ATP8A2: variants seen among roughly 807,000 people sequenced by gnomAD.
ATP8A2 encodes ATPase phospholipid transporting 8A2.
ATP8A2 carries 100 observed loss-of-function variants against 165.6 expected under a neutral mutation model. The observed-to-expected ratio is 0.60, with a 90% CI of 0.51 to 0.71. The LOEUF (loss-of-function observed/expected upper bound fraction) is 0.71. Among genes scored for constraint, ATP8A2 ranks in the 30% least tolerant of loss-of-function variants. The pLI, the probability that ATP8A2 is intolerant of heterozygous loss-of-function variation, is 0.00. For missense variants in ATP8A2, 1,227 were observed against 1,479.5 expected, an observed-to-expected ratio of 0.83 and a Z score of 2.80; for synonymous variants, 543 against 548.8, an observed-to-expected ratio of 0.99 and a Z score of 0.15.
intron 25 of ATP8A2, among the ~76,000 whole-genome samples, chr13:25,729,797 A>C (rs2043577727): frequency 2.0e-5 from 3 of 152,142 alleles, no homozygotes; most frequent in Admixed American, 2.0e-4. Context: ...CACTTCCTAA[A>C]CTGTAGTTAA....
intron 35 of ATP8A2, among the ~76,000 whole-genome samples, chr13:25,986,933 A>T (rs1284022485): frequency 6.6e-6 from 1 of 152,194 alleles, no homozygotes; most frequent in Non-Finnish European, 1.5e-5. Flanking sequence ...TGTACTGTTT[A>T]TCCATTCAGG....
chr13:25,779,166 C>T (rs957657976), intron 27 of ATP8A2, among the ~76,000 whole-genome samples: 5 of 151,620 alleles, frequency 3.3e-5, no homozygotes, highest in East Asian at 3.9e-4. Flanking sequence ...CTGCTTTCAT[C>T]GCCTTGAGAG....
At chr13:25,727,550 A>G (rs1001583409) in intron 25 of ATP8A2, among the ~76,000 whole-genome samples, 6 of 152,212 alleles carry the variant, frequency 3.9e-5, no homozygotes, top group African/African-American at 1.4e-4. Context: ...TCATGGCTAA[A>G]GTCAGCCATT....
intron 35 of ATP8A2, among the ~76,000 whole-genome samples, chr13:26,002,811 C>T (rs1581773): frequency 0.37 from 55,075 of 150,344 alleles, 10,662 homozygotes; most frequent in Non-Finnish European, 0.44. Flanking sequence ...TTATAGCAAA[C>T]GATAGGATGT....
chr13:25,997,867 G>A (rs758252615), intron 35 of ATP8A2, among the ~76,000 whole-genome samples: 4 of 151,186 alleles, frequency 2.6e-5, no homozygotes, highest in Admixed American at 6.6e-5. Flanking sequence ...TTTTTACCAT[G>A]GCTACTTTAA....
chr13:25,829,669 T>TAC (rs1951407707), intron 28 of ATP8A2, among the ~76,000 whole-genome samples: 1 of 2,642 alleles, frequency 3.8e-4, no homozygotes, highest in Non-Finnish European at 8.6e-4. Flanking sequence ...ACAGGTGTGG[T>TAC]ATATATATAT....
At chr13:25,436,488 C>A (rs2034780109) in intron 1 of ATP8A2, among the ~76,000 whole-genome samples, 1 of 152,160 alleles carries the variant, frequency 6.6e-6, no homozygotes, top group African/African-American at 2.4e-5. Flanking sequence ...ATATGTATCA[C>A]ATTTTCTTTA....
intron 1 of ATP8A2, among the ~76,000 whole-genome samples, chr13:25,414,762 T>A (rs924117039): frequency 6.6e-6 from 1 of 152,226 alleles, no homozygotes; most frequent in African/African-American, 2.4e-5. Flanking sequence ...GATGCTGAAT[T>A]TCATTGCCCA....
At chr13:25,901,378 A>C (rs1468810785) in intron 33 of ATP8A2, among the ~76,000 whole-genome samples, 1 of 151,516 alleles carries the variant, frequency 6.6e-6, no homozygotes. Flanking sequence ...ATAATTTAGG[A>C]GCTCCAGTAG....
intron 33 of ATP8A2, among the ~76,000 whole-genome samples, chr13:25,955,151 C>G (rs1181681012): frequency 6.6e-6 from 1 of 152,056 alleles, no homozygotes; most frequent in African/African-American, 2.4e-5. Flanking sequence ...TGGAGAACAA[C>G]ATAAAGCAGG....
intron 24 of ATP8A2, among the ~76,000 whole-genome samples, chr13:25,658,829 C>G (rs1181888106): frequency 6.6e-6 from 1 of 152,122 alleles, no homozygotes; most frequent in Non-Finnish European, 1.5e-5. Context: ...AGCTCTTTTG[C>G]TCAGAGCCAC....
intron 33 of ATP8A2, among the ~76,000 whole-genome samples, chr13:25,959,454 G>C (rs770370806): frequency 3.3e-5 from 5 of 152,200 alleles, no homozygotes; most frequent in Non-Finnish European, 7.3e-5. Flanking sequence ...TTTTTGTAAA[G>C]GTAAGGAAAT....
At position 25,468,853 on chromosome 13, in the gene ATP8A2, C is replaced by T. The variant is rs941158623; in HGVS notation, c.77-124C>T. The stretch of plus-strand genomic sequence containing the variant: ...AGGGGGAGCCAAGGTACGTAGGCGG[C>T]GTCCGCCTCACCCGAGCATCCTTCC... On this transcript the variant is annotated intron_variant, in intron 1 of 36. Coordinates refer to ENST00000381655, the MANE Select transcript of ATP8A2 (RefSeq NM_016529.6). The T allele has an allele frequency of 2.1e-5, 31 of 1,452,500 alleles. 1 individual carries two copies. The African/African-American group carries it at 3.5e-4, about 16-fold the overall frequency. 90.0% of individuals were successfully genotyped at this position (1,452,500 alleles called of 1,614,324 possible). A position where few individuals can be genotyped will look rare whatever the true frequency, so the allele number is the denominator to read the frequency against.
rs1394540502 is a variant in ATP8A2, at chr13:25,541,796, GC to G, written c.652-117del. Reference sequence around the variant, plus strand: ...GAGGGGCTGACAGTTTGACTTGTTAGCCCCCCAAATTATTGCACTGGAGATG... The same window carrying G: ...GAGGGGCTGACAGTTTGACTTGTTAGCCCCCAAATTATTGCACTGGAGATG... On this transcript the variant is annotated intron_variant, in intron 8 of 36. Coordinates refer to ENST00000381655, the MANE Select transcript of ATP8A2 (RefSeq NM_016529.6). 4 of 1,019,136 alleles carry G rather than the reference GC, an allele frequency of 3.9e-6. No individual in the cohort carries two copies. In the African/African-American group the frequency reaches 4.8e-5, roughly 12 times the overall value. 63.1% of individuals were successfully genotyped at this position (1,019,136 alleles called of 1,614,324 possible).
intron 33 of ATP8A2, among the ~76,000 whole-genome samples, chr13:25,902,686 A>G (rs1593532089): frequency 6.6e-6 from 1 of 151,852 alleles, no homozygotes; most frequent in Non-Finnish European, 1.5e-5. Context: ...TCCTCTTCCT[A>G]CATTTGCCCT....
At chr13:25,564,739 G>A (rs1566274790) in intron 16 of ATP8A2, among the ~76,000 whole-genome samples, 1 of 151,940 alleles carries the variant, frequency 6.6e-6, no homozygotes, top group Non-Finnish European at 1.5e-5. Context: ...GGAACAGGTG[G>A]TATTTGGTTA....
At chr13:25,659,774 T>C (rs561089971) in intron 24 of ATP8A2, among the ~76,000 whole-genome samples, 89 of 152,308 alleles carry the variant, frequency 5.8e-4, no homozygotes, top group African/African-American at 2.1e-3. Flanking sequence ...CGTGAAGCTT[T>C]CCCTTGCCAG....
intron 24 of ATP8A2, among the ~76,000 whole-genome samples, chr13:25,613,798 T>C (rs2040752879): frequency 6.6e-6 from 1 of 152,212 alleles, no homozygotes; most frequent in South Asian, 2.1e-4. Context: ...TTCTTTTGTC[T>C]ACTTGTTCAA....
At chr13:26,015,060 A>AT (rs1274912401) in intron 36 of ATP8A2, among the ~76,000 whole-genome samples, 5 of 152,224 alleles carry the variant, frequency 3.3e-5, no homozygotes, top group Non-Finnish European at 5.9e-5. Flanking sequence ...CCGAATGAGA[A>AT]TTTTTATGGG....
Sources: gnomAD v4.1 joint callset for allele counts (sites outside exome capture counted in the v4.1 genomes callset) on GRCh38, gnomAD v4.1.1 for gene constraint, MANE v1.5 for transcripts, NCBI Gene and HGNC (gene_info 2026-07-23, HGNC 2026-07-21) for gene names.